The following TBC1D5 variants were observed in gnomAD, a reference collection of about 807,000 sequenced individuals.
TBC1D5 encodes TBC1 domain family, member 5.
TBC1D5 carries 75 observed loss-of-function variants against 100.3 expected under a neutral mutation model. That is an observed-to-expected ratio of 0.75 (90% CI 0.62 to 0.91). The LOEUF (loss-of-function observed/expected upper bound fraction) is 0.91, where lower values mean the gene tolerates loss of function less well. Ranked by LOEUF, TBC1D5 falls within the 40% of genes least tolerant of loss-of-function variation. The pLI is 0.00. For missense variants in TBC1D5, 910 were observed against 942.4 expected, an observed-to-expected ratio of 0.97 and a Z score of 0.45; for synonymous variants, 323 against 325.6, an observed-to-expected ratio of 0.99 and a Z score of 0.09.
chr3:17,278,503 T>C (rs1017410445), intron 15 of TBC1D5, among the ~76,000 whole-genome samples: 1 of 152,250 alleles, frequency 6.6e-6, no homozygotes, highest in African/African-American at 2.4e-5. Context: ...TGAATTAAGC[T>C]ATATTTAATT....
chr3:17,690,279 G>C lies in TBC1D5; in HGVS notation c.-101+49064C>G, dbSNP rs1315755917. 7.0e-5 allele frequency among the ~76,000 whole-genome samples: 2 copies of C among 28,668 alleles called. 1 individual carries two copies. The highest frequency in any genetic ancestry group is 1.4e-4 in the Non-Finnish European group (2 of 13,850). The allele number at this position is 28,668 out of a possible 152,430, so 18.8% of individuals were successfully genotyped here. On this transcript the variant is annotated intron_variant, in intron 1 of 21. Transcript: ENST00000253692. ...TCGCCCAGGCTGGAGTGCAGTGGCG[G>C]GATCTCGGCTCACTGCAAGCTCTGC...
In TBC1D5 at chr3:17,337,123, G is replaced by GTTTTTTTTTTTTTTTTT. The variant is rs11328091; in HGVS notation, c.996-29006_996-28990dup. ...AGCTTGCACCAAAATTATCTGAGAG[G>GTTTTTTTTTTTTTTTTT]TTTTTTTTTTTTTTTTTTTTTTAAG... On this transcript the variant is annotated intron_variant, in intron 13 of 21. Coordinates refer to ENST00000253692, the Ensembl canonical transcript of TBC1D5. Among the ~76,000 whole-genome samples, 525 of 116,090 alleles carry GTTTTTTTTTTTTTTTTT rather than the reference G, an allele frequency of 4.5e-3. 17 individuals are homozygous for GTTTTTTTTTTTTTTTTT. Among genetic ancestry groups the GTTTTTTTTTTTTTTTTT allele is most frequent in the African/African-American group, 0.017 (493 of 28,424 alleles). 76.2% of individuals were successfully genotyped at this position (116,090 alleles called of 152,430 possible).
At chr3:17,479,132 G>A (rs1461227932) in intron 3 of TBC1D5, among the ~76,000 whole-genome samples, 14 of 152,108 alleles carry the variant, frequency 9.2e-5, no homozygotes, top group African/African-American at 2.2e-4. Flanking sequence ...TGGACGTGGC[G>A]GCTCACATCC....
chr3:17,603,155 G>GTTT (rs1224220563), intron 2 of TBC1D5, among the ~76,000 whole-genome samples: 2 of 133,880 alleles, frequency 1.5e-5, no homozygotes, highest in Non-Finnish European at 1.6e-5. Flanking sequence ...AAGTTTTTTG[G>GTTT]TTTTTTTTTT....
exon 17 of TBC1D5, chr3:17,238,242 G>A (rs2076031162): frequency 6.2e-7 from 1 of 1,613,832 alleles, no homozygotes; most frequent in South Asian, 1.1e-5. Context: ...GATGGCTTGG[G>A]GCCTCTGCTG....
intron 4 of TBC1D5, among the ~76,000 whole-genome samples, chr3:17,421,926 A>G (rs1413201541): frequency 3.3e-5 from 5 of 152,164 alleles, no homozygotes; most frequent in Non-Finnish European, 5.9e-5. Context: ...AAAATCAGAA[A>G]AGCAAGGCTC....
intron 18 of TBC1D5, among the ~76,000 whole-genome samples, chr3:17,204,436 A>T (rs2071891533): frequency 6.6e-6 from 1 of 152,240 alleles, no homozygotes; most frequent in Non-Finnish European, 1.5e-5. Context: ...CATTTAATTT[A>T]GCATGATTCA....
chr3:17,432,483 A>C (rs1044481616), intron 3 of TBC1D5, among the ~76,000 whole-genome samples: 1 of 152,182 alleles, frequency 6.6e-6, no homozygotes, highest in Non-Finnish European at 1.5e-5. Context: ...TAGCCACCCC[A>C]AGCTAATTAC....
intron 13 of TBC1D5, among the ~76,000 whole-genome samples, chr3:17,358,230 G>C (rs1293711285): frequency 6.6e-6 from 1 of 152,116 alleles, no homozygotes; most frequent in Admixed American, 6.6e-5. Context: ...TGTTGCCCAG[G>C]TTGGAGTGCA....
chr3:17,611,090 A>C (rs902334585), intron 2 of TBC1D5, among the ~76,000 whole-genome samples: 2 of 152,196 alleles, frequency 1.3e-5, no homozygotes, highest in African/African-American at 4.8e-5. Context: ...TGAAGTGAAT[A>C]ATGATAATGA....
chr3:17,565,068 CCAGTACTTATTACTCCTAAAACCTGTT>C (rs2096585278), intron 2 of TBC1D5, among the ~76,000 whole-genome samples: 1 of 151,926 alleles, frequency 6.6e-6, no homozygotes, highest in Non-Finnish European at 1.5e-5. Context: ...TGTTATTGTC[CCAGTACTTATTACTCCTAAAACCTGTT>C]CTGGGGAAAC....
At position 17,508,586 on chromosome 3, in the gene TBC1D5, G is replaced by T. The variant is rs1361558067; in HGVS notation, c.-16C>A. 2.5e-6 allele frequency: 4 copies of T among 1,595,056 alleles called. No individual in the cohort carries two copies. The African/African-American group carries it at 4.0e-5, about 16-fold the overall frequency. ...AATGATACATTGTGGGAACTGGACA[G>T]CGTCACCAAAAGTAACTACCTGGGA... On this transcript the variant is annotated 5_prime_UTR_variant, in exon 3 of 22. In the 5' UTR this introduces an upstream ATG that the reference lacks. Coordinates refer to ENST00000253692, the Ensembl canonical transcript of TBC1D5.
intron 3 of TBC1D5, among the ~76,000 whole-genome samples, chr3:17,501,480 G>A (rs1420226556): frequency 1.3e-5 from 2 of 148,546 alleles, no homozygotes; most frequent in Non-Finnish European, 3.0e-5. Context: ...AAAGTTTGCC[G>A]CCACCCTCAC....
chr3:17,679,450 A>G (rs1560448673), intron 1 of TBC1D5, among the ~76,000 whole-genome samples: 1 of 151,552 alleles, frequency 6.6e-6, no homozygotes, highest in African/African-American at 2.4e-5. Context: ...TCAAAATGAC[A>G]ATCATGAATT....
At chr3:17,684,698 GCT>G (rs1006310629) in intron 1 of TBC1D5, among the ~76,000 whole-genome samples, 9 of 151,880 alleles carry the variant, frequency 5.9e-5, no homozygotes, top group Non-Finnish European at 1.0e-4. Context: ...CATTTATAAA[GCT>G]CTTTGTCCAT....
At chr3:17,547,463 C>T (rs1248132580) in intron 2 of TBC1D5, among the ~76,000 whole-genome samples, 3 of 152,136 alleles carry the variant, frequency 2.0e-5, no homozygotes, top group South Asian at 2.1e-4. Flanking sequence ...ACTAGCAATG[C>T]TTTTACTTCT....
At chr3:17,655,250 G>A (rs2065946465) in intron 1 of TBC1D5, among the ~76,000 whole-genome samples, 1 of 144,314 alleles carries the variant, frequency 6.9e-6, no homozygotes, top group Non-Finnish European at 1.5e-5. Context: ...GGTGGGAATT[G>A]AACAGTGAGA....
intron 4 of TBC1D5, among the ~76,000 whole-genome samples, chr3:17,411,783 A>G (rs2093932134): frequency 6.6e-6 from 1 of 152,160 alleles, no homozygotes; most frequent in Non-Finnish European, 1.5e-5. Flanking sequence ...TACCTTGATT[A>G]CGGTGTTGGT....
intron 13 of TBC1D5, among the ~76,000 whole-genome samples, chr3:17,317,282 A>G (rs1180700705): frequency 6.6e-6 from 1 of 152,222 alleles, no homozygotes; most frequent in Non-Finnish European, 1.5e-5. Flanking sequence ...GTTACTATCC[A>G]TTAACACAGA....
Sources: allele counts gnomAD v4.1 joint callset (sites outside exome capture counted in the v4.1 genomes callset), GRCh38; gene constraint gnomAD v4.1.1; transcripts MANE v1.5; gene names NCBI Gene and HGNC (gene_info 2026-07-23, HGNC 2026-07-21).